Variants in PPP4R3B observed in about 807,000 individuals in gnomAD.
PPP4R3B encodes the protein protein phosphatase 4 regulatory subunit 3B.
Under a neutral mutation model 95.4 loss-of-function variants are expected in PPP4R3B, and 52 were observed. The observed-to-expected ratio is 0.54, with a 90% CI of 0.44 to 0.69. The LOEUF is 0.69. Among genes scored for constraint, PPP4R3B ranks in the 30% least tolerant of loss-of-function variants. PPP4R3B has a pLI of 0.00. For synonymous variants in PPP4R3B, 407 were observed against 343.9 expected (o/e 1.18, Z -2.03); for missense variants, 1,003 against 1,005.9 (o/e 1.00, Z 0.04).
chr2:55,578,863 T>C (rs1440431504), intron 9 of PPP4R3B, among the ~76,000 whole-genome samples: 1 of 152,084 alleles, frequency 6.6e-6, no homozygotes, highest in Admixed American at 6.6e-5. Context: ...GCCCCACATA[T>C]TTCTGATTTC....
chr2:55,615,586 GC>G lies in PPP4R3B; in HGVS notation c.143-81del, dbSNP rs553767203. On this transcript the variant is annotated intron_variant, in intron 1 of 16. Transcript: ENST00000616407. ...AAATTAGAATACACATTAAAGCCGGGCGCAGTGGCTCACGTCTGTAATCCTA... is the reference window on the plus strand; with the variant it reads ...AAATTAGAATACACATTAAAGCCGGGGCAGTGGCTCACGTCTGTAATCCTA... 183 of 991,314 alleles carry G rather than the reference GC, an allele frequency of 1.8e-4. No individual in the cohort carries two copies. The Admixed American group carries it at 2.1e-3, about 11-fold the overall frequency. The allele number at this position is 991,314 out of a possible 1,614,324, so 61.4% of individuals were successfully genotyped here.
intron 7 of PPP4R3B, among the ~76,000 whole-genome samples, chr2:55,582,168 T>C (rs1384174431): frequency 6.6e-6 from 1 of 152,144 alleles, no homozygotes; most frequent in African/African-American, 2.4e-5. Flanking sequence ...TGACCAAAAA[T>C]AACCCAGTAC....
At chr2:55,588,745 C>T in intron 5 of PPP4R3B, 134 bp downstream of exon 5, 1 of 545,140 alleles carries the variant, frequency 1.8e-6, no homozygotes, top group Non-Finnish European at 3.2e-6. Flanking sequence ...TTTCATAGTT[C>T]AATTTAAATA....
chr2:55,615,302 G>C (rs867541420), intron 2 of PPP4R3B, 149 bp downstream of exon 2: 4 of 658,420 alleles, frequency 6.1e-6, no homozygotes, highest in Middle Eastern at 3.6e-4. Context: ...TTTTCAGTCT[G>C]AAACTTTTAA....
At position 55,598,847 on chromosome 2, in the gene PPP4R3B, G is replaced by C. The variant is rs1396895605; in HGVS notation, c.490C>G (p.Leu164Val). ...SSPIRREKLA[L>V]ALENEGYIKK... Reference sequence around the variant, plus strand: ...ATATAGCCTTCATTTTCCAAGGCGAGAGCCAGCTTTTCCCTACGGATAGGT... The same window carrying C: ...ATATAGCCTTCATTTTCCAAGGCGACAGCCAGCTTTTCCCTACGGATAGGT... Residue 164 changes from leucine (L) to valine (V), a missense_variant, in exon 4 of 17, where the codon CTC (leucine) becomes GTC (valine). Physicochemically the swap from Leu to Val is conservative, Grantham distance 32 (BLOSUM62 1). Around this residue, in one of 3 missense-constraint regions of PPP4R3B, gnomAD observed 695 missense variants for 686.2 expected, o/e 1.01. Coordinates refer to ENST00000616407, the MANE Select transcript of PPP4R3B (RefSeq NM_001122964.3). The C allele has an allele frequency of 6.2e-7, 1 of 1,614,092 alleles. No homozygotes were observed. Among genetic ancestry groups the C allele is most frequent in the African/African-American group, 1.3e-5 (1 of 74,930 alleles).
chr2:55,576,788 G>A (rs766815182), intron 11 of PPP4R3B, among the ~76,000 whole-genome samples: 1 of 152,200 alleles, frequency 6.6e-6, no homozygotes, highest in South Asian at 2.1e-4. Context: ...GAAATTACTT[G>A]TATCTCTAAA....
At chr2:55,568,700 CAT>C (rs1426178953) in intron 12 of PPP4R3B, among the ~76,000 whole-genome samples, 2 of 152,140 alleles carry the variant, frequency 1.3e-5, no homozygotes, top group Middle Eastern at 3.2e-3. Flanking sequence ...ATGCAAAATC[CAT>C]AGACTGCAAA....
Position 55,558,993 on chromosome 2 carries a change from C to G in PPP4R3B, c.2261-25G>C, listed in dbSNP as rs763353470. The G allele has an allele frequency of 4.4e-5, 70 of 1,573,082 alleles. No homozygotes were observed. The East Asian group carries it at 1.6e-3, about 35-fold the overall frequency. ...GCTAAAGCAAAAGTAAAATTTTGAA[C>G]GTATATCAATAAATACTGCTAAGTC... On this transcript the variant is annotated intron_variant, in intron 15 of 16. Transcript: ENST00000616407.
intron 9 of PPP4R3B, among the ~76,000 whole-genome samples, chr2:55,579,194 G>A (rs1337703033): frequency 6.6e-6 from 1 of 151,970 alleles, no homozygotes; most frequent in East Asian, 1.9e-4. Flanking sequence ...AAGAGAATAT[G>A]GAAATGCAAT....
Position 55,617,373 on chromosome 2 carries a change from G to C in PPP4R3B, c.-88C>G. ...CTCTTAGGAGACGGTAAAGGCAGTA[G>C]TGGCGGTGGCGGCGGCGGCGGCTTC... On this transcript the variant is annotated 5_prime_UTR_variant, in exon 1 of 17. Transcript: ENST00000616407. 7.3e-7 allele frequency: 1 copy of C among 1,372,090 alleles called. No homozygotes were observed. Among genetic ancestry groups the C allele is most frequent in the Middle Eastern group, 2.6e-4 (1 of 3,896 alleles). The allele number at this position is 1,372,090 out of a possible 1,614,324, so 85.0% of individuals were successfully genotyped here. A position where few individuals can be genotyped will look rare whatever the true frequency, so the allele number is the denominator to read the frequency against.
intron 11 of PPP4R3B, among the ~76,000 whole-genome samples, chr2:55,574,742 C>T (rs1212276157): frequency 3.3e-5 from 5 of 151,390 alleles, no homozygotes; most frequent in Non-Finnish European, 4.4e-5. Flanking sequence ...TACAGGCACC[C>T]GCCACCATGC....
intron 12 of PPP4R3B, among the ~76,000 whole-genome samples, chr2:55,569,381 A>T (rs528843191): frequency 1.3e-5 from 2 of 152,138 alleles, no homozygotes; most frequent in East Asian, 1.9e-4. Flanking sequence ...AGGGCCTGAC[A>T]TTAGTCAGGC....
chr2:55,552,927 A>T (rs1391493274), intron 16 of PPP4R3B, among the ~76,000 whole-genome samples: 1 of 152,166 alleles, frequency 6.6e-6, no homozygotes, highest in African/African-American at 2.4e-5. Context: ...GTCTTAAGAA[A>T]ACCCCAGAAA....
chr2:55,598,965 T>A lies in PPP4R3B; in HGVS notation c.372A>T (p.Glu124Asp), dbSNP rs1286856555. ...CAATCAGATGACTAGTTTCAGGCAT[T>A]TCTTCAAATCGTTCTTCTTCAGATT... ...IDESEEERFE[E>D]MPETSHLIDL... is the part of the protein sequence containing the mutation. Residue 124 changes from glutamate to aspartate, a missense_variant, in exon 4 of 17, where the codon GAA (glutamate) becomes GAT (aspartate). Transcript: ENST00000616407. The A allele has an allele frequency of 1.9e-6, 3 of 1,614,172 alleles. No homozygotes were observed. Among genetic ancestry groups the A allele is most frequent in the Non-Finnish European group, 2.5e-6 (3 of 1,180,036 alleles).
At position 55,586,751 on chromosome 2, in the gene PPP4R3B, T is replaced by A. The variant is rs1690200640; in HGVS notation, c.1000-17A>T. The A allele has an allele frequency of 6.8e-7, 1 of 1,468,516 alleles. No individual in the cohort carries two copies. The highest frequency in any genetic ancestry group is 2.3e-5 in the East Asian group (1 of 43,752). 91.0% of individuals were successfully genotyped at this position (1,468,516 alleles called of 1,614,324 possible). ...AAAATTAACCTGTAATGTCAGAAAT[T>A]TTAGTGAGACATTGATAAACATAAA... On this transcript the variant is annotated splice_polypyrimidine_tract_variant and intron_variant, in intron 5 of 16. Coordinates refer to ENST00000616407, the MANE Select transcript of PPP4R3B (RefSeq NM_001122964.3).
chr2:55,566,656 A>C (rs1031682672), intron 13 of PPP4R3B, among the ~76,000 whole-genome samples: 36 of 152,210 alleles, frequency 2.4e-4, no homozygotes, highest in African/African-American at 8.0e-4. Context: ...ATCAGCAAAA[A>C]TCTGACTTGT....
chr2:55,614,592 G>C (rs1027902993), intron 2 of PPP4R3B: 1 of 152,126 alleles, frequency 6.6e-6, no homozygotes, highest in Non-Finnish European at 1.5e-5. Context: ...ATAAAAGCAT[G>C]TACACAAAGA....
At chr2:55,591,924 C>G (rs1005366392) in intron 4 of PPP4R3B, among the ~76,000 whole-genome samples, 1 of 152,160 alleles carries the variant, frequency 6.6e-6, no homozygotes, top group South Asian at 2.1e-4. Context: ...TCCAAGTAAT[C>G]AAACTAATCT....
chr2:55,607,832 G>C (rs1006173248), intron 2 of PPP4R3B, among the ~76,000 whole-genome samples: 5 of 152,152 alleles, frequency 3.3e-5, no homozygotes, highest in African/African-American at 1.2e-4. Flanking sequence ...CTACAGTCAG[G>C]TCAATGGATA....
Sources: allele counts gnomAD v4.1 joint callset (sites outside exome capture counted in the v4.1 genomes callset), GRCh38; gene constraint gnomAD v4.1.1; regional missense constraint gnomAD v4.1.1; transcripts MANE v1.5; gene names NCBI Gene and HGNC (gene_info 2026-07-23, HGNC 2026-07-21).